Variants in MACROD2 observed in about 807,000 individuals in gnomAD.
The protein encoded by MACROD2 is mono-ADP ribosylhydrolase 2, also known as ADP-ribose glycohydrolase MACROD2.
In MACROD2, 36 loss-of-function variants were observed where a neutral mutation model predicts 70.4. The ratio of observed to expected loss-of-function variants is 0.51; its 90% CI spans 0.39 to 0.68. The LOEUF is 0.68. Ranked by LOEUF, MACROD2 falls within the 30% of genes least tolerant of loss-of-function variation. The pLI is 0.00. For synonymous variants in MACROD2, 172 were observed against 178.8 expected (o/e 0.96, Z 0.30); for missense variants, 496 against 538.4 (o/e 0.92, Z 0.78).
intron 3 of MACROD2, among the ~76,000 whole-genome samples, chr20:14,290,521 T>C (rs1459363580): frequency 6.6e-6 from 1 of 151,694 alleles, no homozygotes; most frequent in Non-Finnish European, 1.5e-5. Flanking sequence ...TTTTTTTTTT[T>C]TTTTTGAGAT....
At chr20:14,370,483 T>C (rs2083311936) in intron 3 of MACROD2, among the ~76,000 whole-genome samples, 1 of 152,056 alleles carries the variant, frequency 6.6e-6, no homozygotes, top group African/African-American at 2.4e-5. Context: ...GAAGAAAAAA[T>C]TTACATAGAC....
intron 5 of MACROD2, among the ~76,000 whole-genome samples, chr20:15,166,941 ATT>A (rs1182328151): frequency 3.1e-5 from 4 of 128,210 alleles, no homozygotes; most frequent in Non-Finnish European, 7.2e-5. Context: ...TAAGTATTTA[ATT>A]TAAGTATTAA....
chr20:15,862,952 A>C (rs1414600576), intron 9 of MACROD2, 126 bp downstream of exon 9: 10 of 676,148 alleles, frequency 1.5e-5, no homozygotes, highest in Non-Finnish European at 2.4e-5. Context: ...CTTGTATCAT[A>C]GTTTCTAAGA....
intron 15 of MACROD2, among the ~76,000 whole-genome samples, chr20:15,998,562 CTCTTT>C (rs1431012393): frequency 4.6e-5 from 5 of 109,404 alleles, no homozygotes; most frequent in African/African-American, 1.5e-4. Flanking sequence ...TTTGAGTTCT[CTCTTT>C]TTTTTTTTTT....
intron 3 of MACROD2, among the ~76,000 whole-genome samples, chr20:14,146,880 C>CT (rs1442064129): frequency 3.3e-5 from 5 of 152,190 alleles, no homozygotes; most frequent in Non-Finnish European, 7.3e-5. Flanking sequence ...ACATTGCCAT[C>CT]TATCACAGTC....
chr20:14,011,585 G>A (rs1192569842), intron 2 of MACROD2, among the ~76,000 whole-genome samples: 1 of 151,538 alleles, frequency 6.6e-6, no homozygotes, highest in African/African-American at 2.4e-5. Flanking sequence ...CTGGAGTGCA[G>A]TGGCCCGATC....
At chr20:14,909,158 G>A (rs2073995666) in intron 5 of MACROD2, among the ~76,000 whole-genome samples, 1 of 152,180 alleles carries the variant, frequency 6.6e-6, no homozygotes, top group Non-Finnish European at 1.5e-5. Flanking sequence ...CAGACTGGAA[G>A]ATTGGTGGAG....
intron 8 of MACROD2, among the ~76,000 whole-genome samples, chr20:15,813,318 C>T (rs2063839439): frequency 6.6e-6 from 1 of 152,126 alleles, no homozygotes; most frequent in Non-Finnish European, 1.5e-5. Flanking sequence ...GATGAATGCT[C>T]ATATAAAAGG....
chr20:14,949,704 G>A (rs187284573), intron 5 of MACROD2, among the ~76,000 whole-genome samples: 1 of 152,216 alleles, frequency 6.6e-6, no homozygotes, highest in East Asian at 1.9e-4. Context: ...ATATGTTTGA[G>A]TGCCTGCTAT....
At position 14,749,153 on chromosome 20, in the gene MACROD2, C is replaced by T. The variant is rs567466231; in HGVS notation, c.418+64194C>T. On this transcript the variant is annotated intron_variant, in intron 5 of 17. Coordinates refer to ENST00000684519, the MANE Select transcript of MACROD2 (RefSeq NM_001351661.2). The stretch of plus-strand genomic sequence containing the variant: ...TTTTCTCAGGACTTATTCATTTTAC[C>T]TGGAAGGAAATTGCCGTATAACCCA... 2.6e-5 allele frequency among the ~76,000 whole-genome samples: 4 copies of T among 152,066 alleles called. No homozygotes were observed. In the East Asian group the frequency reaches 7.7e-4, roughly 29 times the overall value.
At chr20:14,423,885 C>T (rs1476042961) in intron 3 of MACROD2, among the ~76,000 whole-genome samples, 1 of 150,342 alleles carries the variant, frequency 6.7e-6, no homozygotes, top group African/African-American at 2.4e-5. Context: ...GGCCCAGCCT[C>T]CCGAGTAGCT....
At chr20:15,174,520 G>A (rs2076445366) in intron 5 of MACROD2, among the ~76,000 whole-genome samples, 1 of 152,116 alleles carries the variant, frequency 6.6e-6, no homozygotes, top group Non-Finnish European at 1.5e-5. Flanking sequence ...TATATGCCCA[G>A]TAATGGGATG....
At chr20:14,158,831 G>A (rs1328087759) in intron 3 of MACROD2, among the ~76,000 whole-genome samples, 1 of 152,132 alleles carries the variant, frequency 6.6e-6, no homozygotes, top group Non-Finnish European at 1.5e-5. Context: ...ATATTTCTAA[G>A]TCAGGTAGTG....
intron 8 of MACROD2, among the ~76,000 whole-genome samples, chr20:15,529,393 T>C (rs2047765801): frequency 6.6e-6 from 1 of 152,146 alleles, no homozygotes; most frequent in Admixed American, 6.6e-5. Context: ...ATTTTTCCAA[T>C]TGTTTTTACA....
rs6043412 is a variant in MACROD2, at chr20:15,647,966, G to C, written c.645+148119G>C. Among the ~76,000 whole-genome samples, 62 of 152,228 alleles carry C rather than the reference G, an allele frequency of 4.1e-4. No homozygotes were observed. In the East Asian group the frequency reaches 0.012, roughly 29 times the overall value. The stretch of plus-strand genomic sequence containing the variant: ...ACTCCTGACCTCAAGTAATCTGCCC[G>C]CCTTGGCCTCCTAACCCAAAGTGCT... On this transcript the variant is annotated intron_variant, in intron 8 of 17. Coordinates refer to ENST00000684519, the MANE Select transcript of MACROD2 (RefSeq NM_001351661.2).
intron 7 of MACROD2, among the ~76,000 whole-genome samples, chr20:15,451,504 T>C (rs1173019091): frequency 6.7e-6 from 1 of 150,346 alleles, no homozygotes; most frequent in Non-Finnish European, 1.5e-5. Flanking sequence ...TCTCTCCCTC[T>C]GAGGCTAAAT....
At chr20:14,995,512 C>T (rs1043457078) in intron 5 of MACROD2, among the ~76,000 whole-genome samples, 7 of 149,912 alleles carry the variant, frequency 4.7e-5, no homozygotes, top group Non-Finnish European at 8.9e-5. Flanking sequence ...CCTGCCTCTA[C>T]CAAAAAAAAT....
chr20:15,432,399 C>T (rs957348577), intron 7 of MACROD2, among the ~76,000 whole-genome samples: 4 of 151,942 alleles, frequency 2.6e-5, no homozygotes, highest in Non-Finnish European at 5.9e-5. Flanking sequence ...TTTAAGGTTT[C>T]CTCCTTCAAT....
chr20:15,808,320 A>G (rs2063787846), intron 8 of MACROD2, among the ~76,000 whole-genome samples: 1 of 152,190 alleles, frequency 6.6e-6, no homozygotes, highest in African/African-American at 2.4e-5. Flanking sequence ...CTTACTTGTA[A>G]TTCATCTGTT....
Sources: gnomAD v4.1 joint callset for allele counts (sites outside exome capture counted in the v4.1 genomes callset) on GRCh38, gnomAD v4.1.1 for gene constraint, MANE v1.5 for transcripts, NCBI Gene and HGNC (gene_info 2026-07-23, HGNC 2026-07-21) for gene names.